Variants in FGD5 observed in about 807,000 individuals in gnomAD.
The protein encoded by FGD5 is FYVE, RhoGEF and PH domain containing 5, also known as FYVE, RhoGEF and PH domain-containing protein 5.
Under a neutral mutation model 133.4 loss-of-function variants are expected in FGD5, and 28 were observed. The observed-to-expected ratio is 0.21, with a 90% confidence interval of 0.16 to 0.29. FGD5 has a LOEUF of 0.29. FGD5 is among the 10% of genes least tolerant of loss of function. The probability of loss-of-function intolerance (pLI) is 1.00; values close to 1 mark genes in which losing one functional copy is unlikely to be tolerated. For synonymous variants in FGD5, 810 were observed against 776.5 expected (o/e 1.04, Z -0.72); for missense variants, 1,858 against 1,895.2 (o/e 0.98, Z 0.36).
chr3:14,882,382 G>A (rs1334637605), intron 4 of FGD5: 3 of 982,610 alleles, frequency 3.1e-6, no homozygotes, highest in Non-Finnish European at 3.6e-6. Context: ...CCTGAGGATG[G>A]GGTGAAGGGA....
intron 1 of FGD5, among the ~76,000 whole-genome samples, chr3:14,855,968 G>A (rs1180371549): frequency 6.6e-6 from 1 of 152,086 alleles, no homozygotes. Flanking sequence ...ATGCCCTGAA[G>A]CATTTCTCCT....
At chr3:14,863,238 G>A (rs1490616) in intron 1 of FGD5, among the ~76,000 whole-genome samples, 13,070 of 152,274 alleles carry the variant, frequency 0.086, 770 homozygotes, top group East Asian at 0.3. Context: ...AGTTGTCTGG[G>A]GCCACGTTGC....
At chr3:14,822,658 A>G (rs1450706760) in intron 1 of FGD5, among the ~76,000 whole-genome samples, 1 of 152,180 alleles carries the variant, frequency 6.6e-6, no homozygotes, top group Non-Finnish European at 1.5e-5. Flanking sequence ...GGAATTGTGG[A>G]CACAACTTAA....
At chr3:14,926,019 A>G in intron 17 of FGD5, 51 bp from the exon 18 acceptor site, 1 of 1,606,702 alleles carries the variant, frequency 6.2e-7, no homozygotes, top group South Asian at 1.1e-5. Context: ...CTCTGTTTGA[A>G]CTGTGCCTGA....
chr3:14,837,006 A>C (rs980866921), intron 1 of FGD5, among the ~76,000 whole-genome samples: 3 of 152,224 alleles, frequency 2.0e-5, no homozygotes, highest in African/African-American at 7.2e-5. Context: ...TAAGGGACCT[A>C]GGGTGCACCA....
intron 1 of FGD5, among the ~76,000 whole-genome samples, chr3:14,850,836 G>C (rs1002945677): frequency 6.6e-6 from 1 of 152,006 alleles, no homozygotes; most frequent in Non-Finnish European, 1.5e-5. Context: ...TGCAGGGGAG[G>C]GTGGGAAGGA....
At position 14,840,807 on chromosome 3, in the gene FGD5, A is replaced by ATGTGTGAGTGTATATAG. The variant is rs2036907128; in HGVS notation, c.2525+19218_2525+19234dup. Among the ~76,000 whole-genome samples, 3 of 152,214 alleles carry ATGTGTGAGTGTATATAG rather than the reference A, an allele frequency of 2.0e-5. No individual in the cohort carries two copies. The South Asian group carries it at 6.2e-4, about 32-fold the overall frequency. ...CATTGGGTTGTGTTTTGTTTTTGCC[A>ATGTGTGAGTGTATATAG]TGTGTGAGTGTATATAGTGTGTGTG... On this transcript the variant is annotated intron_variant, in intron 1 of 19. Transcript: ENST00000285046.
rs545861931 is a variant in FGD5 at position 14,820,383 on chromosome 3, G to T, written c.1312G>T (p.Gly438Cys). The change falls in exon 1 of 20, where the codon GGT becomes TGT. Residue 438 changes from glycine to cysteine, a missense_variant. Around this residue, in one of 3 missense-constraint regions of FGD5, gnomAD observed 1,824 missense variants for 1,848.9 expected, o/e 0.99. Coordinates refer to ENST00000285046, the MANE Select transcript of FGD5 (RefSeq NM_152536.4). ...NPYVMGVGLPGQAAPGEGGQA... is the reference protein window; with the variant it reads ...NPYVMGVGLPCQAAPGEGGQA... ...CTATGTGATGGGAGTGGGCCTGCCC[G>T]GTCAGGCGGCCCCTGGAGAAGGAGG... The T allele has an allele frequency of 6.2e-7, 1 of 1,613,834 alleles. No homozygotes were observed. The highest frequency in any genetic ancestry group is 8.5e-7 in the Non-Finnish European group (1 of 1,179,822).
intron 1 of FGD5, among the ~76,000 whole-genome samples, chr3:14,825,343 G>A (rs1003370993): frequency 6.6e-6 from 1 of 151,950 alleles, no homozygotes; most frequent in East Asian, 1.9e-4. Context: ...AGTGGCTTAC[G>A]CTTGTAATCC....
intron 11 of FGD5, among the ~76,000 whole-genome samples, chr3:14,916,568 A>G (rs1208460840): frequency 1.3e-5 from 2 of 152,150 alleles, no homozygotes; most frequent in African/African-American, 2.4e-5. Context: ...CTTTATTTTT[A>G]TAGTGAAATG....
chr3:14,919,185 G>A (rs1352957434), intron 13 of FGD5, among the ~76,000 whole-genome samples: 2 of 152,288 alleles, frequency 1.3e-5, no homozygotes, highest in South Asian at 2.1e-4. Context: ...AGTAAAAAAT[G>A]TATTGTGTGC....
chr3:14,910,022 C>T lies in FGD5; in HGVS notation c.3337-839C>T, dbSNP rs548865855. Among the ~76,000 whole-genome samples, 11 of 151,904 alleles carry T rather than the reference C, an allele frequency of 7.2e-5. No homozygotes were observed. The South Asian group carries it at 2.3e-3, about 32-fold the overall frequency. ...CCTGTGATCTGCCTGCCTCAGCCTC[C>T]CAAAGTGCTGGGATTACAGGCGTGA... On this transcript the variant is annotated intron_variant, in intron 10 of 19. Transcript: ENST00000285046.
At chr3:14,844,163 G>T (rs2036981174) in intron 1 of FGD5, among the ~76,000 whole-genome samples, 1 of 123,228 alleles carries the variant, frequency 8.1e-6, no homozygotes. Flanking sequence ...TGAATGTCCT[G>T]ACCCTTTCAG....
At chr3:14,875,660 G>A (rs1354586092) in intron 2 of FGD5, among the ~76,000 whole-genome samples, 1 of 152,168 alleles carries the variant, frequency 6.6e-6, no homozygotes, top group Admixed American at 6.5e-5. Flanking sequence ...GGAGCTCAGA[G>A]TGAATGAGAG....
chr3:14,899,565 A>G (rs181319945), intron 7 of FGD5, among the ~76,000 whole-genome samples: 3 of 152,348 alleles, frequency 2.0e-5, no homozygotes, highest in Non-Finnish European at 4.4e-5. Context: ...AAAATACATT[A>G]GGGCCAAGGA....
Position 14,933,298 on chromosome 3 carries a change from T to A in FGD5, c.*131T>A. 1 of 984,758 alleles carries A rather than the reference T, an allele frequency of 1.0e-6. No homozygotes were observed. The highest frequency in any genetic ancestry group is 1.6e-6 in the Non-Finnish European group (1 of 636,640). The allele number at this position is 984,758 out of a possible 1,614,324, so 61.0% of individuals were successfully genotyped here. A position where few individuals can be genotyped will look rare whatever the true frequency, so the allele number is the denominator to read the frequency against. On this transcript the variant is annotated 3_prime_UTR_variant, in exon 20 of 20. Transcript: ENST00000285046. Reference sequence around the variant, plus strand: ...CAATGAGGCCTGACCTTTTTTGCTATAACCGCCCCACCACTCCCCTGCCCT... The same window carrying A: ...CAATGAGGCCTGACCTTTTTTGCTAAAACCGCCCCACCACTCCCCTGCCCT...
At chr3:14,932,766 G>A (rs765150380) in intron 19 of FGD5, 35 bp downstream of exon 19, 1 of 1,597,608 alleles carries the variant, frequency 6.3e-7, no homozygotes, top group Non-Finnish European at 8.5e-7. Context: ...ATAGCTTTTT[G>A]TTCTCTCAGA....
intron 1 of FGD5, among the ~76,000 whole-genome samples, chr3:14,831,393 C>G (rs1318175192): frequency 2.0e-5 from 3 of 152,126 alleles, no homozygotes; most frequent in Non-Finnish European, 2.9e-5. Context: ...GAGTATTTGC[C>G]CTTCCAAGTG....
chr3:14,898,192 T>A, intron 6 of FGD5, 97 bp downstream of exon 6: 5 of 1,502,138 alleles, frequency 3.3e-6, no homozygotes, highest in Non-Finnish European at 4.6e-6. Context: ...TTGGTAGGTG[T>A]GGGGCTGGGG....
Sources: gnomAD v4.1 joint callset for allele counts (sites outside exome capture counted in the v4.1 genomes callset) on GRCh38, gnomAD v4.1.1 for gene constraint, gnomAD v4.1.1 regional missense constraint, MANE v1.5 for transcripts, NCBI Gene and HGNC (gene_info 2026-07-23, HGNC 2026-07-21) for gene names.